The following TMEM178B variants were observed in gnomAD, a reference collection of about 807,000 sequenced individuals.
TMEM178B encodes transmembrane protein 178B.
In TMEM178B, 5 loss-of-function variants were observed where a neutral mutation model predicts 31.0. The ratio of observed to expected loss-of-function variants is 0.16; its 90% CI spans 0.08 to 0.34. TMEM178B has a LOEUF of 0.34. Among genes scored for constraint, TMEM178B ranks in the 10% least tolerant of loss-of-function variants. The pLI is 1.00. For synonymous variants in TMEM178B, 164 were observed against 164.0 expected (o/e 1.00, Z 0.00); for missense variants, 275 against 400.3 (o/e 0.69, Z 2.67).
At chr7:141,481,261 GAA>G (rs1802469808), downstream of TMEM178B, among the ~76,000 whole-genome samples, 1 of 152,202 alleles carries the variant, frequency 6.6e-6, no homozygotes, top group Admixed American at 6.5e-5. Context: ...AGGAGACTGA[GAA>G]AACAGGTTTA....
intron 2 of TMEM178B, among the ~76,000 whole-genome samples, chr7:141,224,899 T>C (rs1797316244): frequency 6.6e-6 from 1 of 152,178 alleles, no homozygotes; most frequent in Non-Finnish European, 1.5e-5. Context: ...ACTTCTTGGA[T>C]ATAGGCACTG....
chr7:141,305,838 A>G (rs553136878), intron 2 of TMEM178B, among the ~76,000 whole-genome samples: 1 of 152,160 alleles, frequency 6.6e-6, no homozygotes, highest in South Asian at 2.1e-4. Context: ...CGAGGTTATC[A>G]TGGGTGGTCT....
In TMEM178B at chr7:141,079,314, C is replaced by T. The variant is rs192761068; in HGVS notation, c.382+4622C>T. Among the ~76,000 whole-genome samples, 412 of 152,094 alleles carry T rather than the reference C, an allele frequency of 2.7e-3. 3 individuals are homozygous for T. The highest frequency in any genetic ancestry group is 9.6e-3 in the African/African-American group (399 of 41,494). ...AAAACAAACAAACAAAAATTATTTCCGTAGTTGTATTGGCCACATTTCAAA... is the reference window on the plus strand; with the variant it reads ...AAAACAAACAAACAAAAATTATTTCTGTAGTTGTATTGGCCACATTTCAAA... On this transcript the variant is annotated intron_variant, in intron 1 of 3. Transcript: ENST00000565468.
At chr7:141,414,080 T>TATGGCTGTGTAATAGC (rs1586944675) in intron 2 of TMEM178B, among the ~76,000 whole-genome samples, 1 of 52,650 alleles carries the variant, frequency 1.9e-5, no homozygotes, top group South Asian at 5.8e-4. Flanking sequence ...ACATCATTTT[T>TATGGCTGTGTAATAGC]TTTTTTTTTT....
chr7:141,508,039 C>T, the TMEM178B span, among the ~76,000 whole-genome samples: 8,274 of 152,264 alleles, frequency 0.054, 706 homozygotes, highest in African/African-American at 0.18. Flanking sequence ...AATGGGTTTT[C>T]CTTTTTTATC....
intron 2 of TMEM178B, among the ~76,000 whole-genome samples, chr7:141,271,902 TGTAA>T (rs1410197850): frequency 6.6e-6 from 1 of 152,178 alleles, no homozygotes; most frequent in Admixed American, 6.5e-5. Flanking sequence ...TCACACAGCT[TGTAA>T]GTATCAGCAT....
intron 2 of TMEM178B, among the ~76,000 whole-genome samples, chr7:141,345,378 A>AT (rs1799600615): frequency 6.6e-6 from 1 of 152,178 alleles, no homozygotes; most frequent in Admixed American, 6.5e-5. Context: ...GGTAGGAAAG[A>AT]TTTTTCAGAG....
At position 141,470,676 on chromosome 7, in the gene TMEM178B, C is replaced by T; in HGVS notation, c.775C>T (p.Leu259=). The change falls in exon 4 of 4, where the codon CTG becomes TTG. Residue 259 remains leucine, a synonymous_variant. Coordinates refer to ENST00000565468, the MANE Select transcript of TMEM178B (RefSeq NM_001195278.2). The part of the protein sequence containing the change: ...GWSMFCAWGG[L]GLTLISGFFC... ...GTCCATGTTCTGTGCATGGGGGGGC[C>T]TGGGCCTCACACTCATCTCGGGATT... 1 of 1,535,794 alleles carries T rather than the reference C, an allele frequency of 6.5e-7. No individual in the cohort carries two copies. The highest frequency in any genetic ancestry group is 8.7e-7 in the Non-Finnish European group (1 of 1,146,836).
intron 2 of TMEM178B, among the ~76,000 whole-genome samples, chr7:141,291,942 T>A (rs1798553536): frequency 7.4e-6 from 1 of 134,268 alleles, no homozygotes; most frequent in Non-Finnish European, 1.6e-5. Context: ...TTTTTTTTTT[T>A]TCAAATATCA....
chr7:141,074,630 G>A lies in TMEM178B; in HGVS notation c.320G>A (p.Gly107Asp). The change falls in exon 1 of 4, where the codon GGC becomes GAC. Residue 107 changes from glycine (G) to aspartate (D), a missense_variant. Physicochemically the swap from Gly to Asp is moderately conservative, Grantham distance 94. Coordinates refer to ENST00000565468, the MANE Select transcript of TMEM178B (RefSeq NM_001195278.2). The surrounding 1 kb of genome is among the most constrained non-coding windows in gnomAD (Gnocchi z 5.1). ...CSRQYNSTNMGLWRKCHRQGF... is the reference protein window; with the variant it reads ...CSRQYNSTNMDLWRKCHRQGF... ...CGGCAGTACAACTCCACCAACATGG[G>A]CCTCTGGAGGAAGTGCCACCGGCAG... 1.3e-6 allele frequency: 2 copies of A among 1,528,814 alleles called. No homozygotes were observed. Among genetic ancestry groups the A allele is most frequent in the Non-Finnish European group, 1.8e-6 (2 of 1,141,138 alleles). The allele number at this position is 1,528,814 out of a possible 1,614,324, so 94.7% of individuals were successfully genotyped here.
At chr7:141,181,275 A>G (rs1039385806) in intron 1 of TMEM178B, among the ~76,000 whole-genome samples, 3 of 152,244 alleles carry the variant, frequency 2.0e-5, no homozygotes, top group Non-Finnish European at 4.4e-5. Flanking sequence ...CTCAACACAC[A>G]ATAAGTTCTT....
chr7:141,394,723 G>A (rs1800607079), intron 2 of TMEM178B, among the ~76,000 whole-genome samples: 2 of 152,104 alleles, frequency 1.3e-5, no homozygotes, highest in South Asian at 2.1e-4. Context: ...AGCAAGTTCT[G>A]TCATTTTCCA....
At chr7:141,265,325 G>A (rs1586858817) in intron 2 of TMEM178B, among the ~76,000 whole-genome samples, 1 of 152,144 alleles carries the variant, frequency 6.6e-6, no homozygotes, top group African/African-American at 2.4e-5. Context: ...TGGGGTGGGA[G>A]AGGGCTGAGT....
In TMEM178B at chr7:141,245,098, G is replaced by C. The variant is rs376600712; in HGVS notation, c.496+32394G>C. On this transcript the variant is annotated intron_variant, in intron 2 of 3. Transcript: ENST00000565468. Reference sequence around the variant, plus strand: ...GAATTGCTTGAACCTGGGAGGCGGAGGTTGCAGTGAGCCGAGATCGCACCA... The same window carrying C: ...GAATTGCTTGAACCTGGGAGGCGGACGTTGCAGTGAGCCGAGATCGCACCA... 1.5e-4 allele frequency among the ~76,000 whole-genome samples: 21 copies of C among 144,420 alleles called. No individual in the cohort carries two copies. In the East Asian group the frequency reaches 3.9e-3, roughly 27 times the overall value. The allele number at this position is 144,420 out of a possible 152,430, so 94.7% of individuals were successfully genotyped here.
At chr7:141,281,919 A>G (rs975694749) in intron 2 of TMEM178B, among the ~76,000 whole-genome samples, 14 of 151,710 alleles carry the variant, frequency 9.2e-5, no homozygotes, top group Admixed American at 9.2e-4. Context: ...TCTGGAGGTG[A>G]AAAAAAAATT....
intron 2 of TMEM178B, among the ~76,000 whole-genome samples, chr7:141,320,656 T>C (rs961203560): frequency 6.6e-6 from 1 of 152,220 alleles, no homozygotes; most frequent in Non-Finnish European, 1.5e-5. Context: ...TGTTTATATA[T>C]TCATTCACTC....
intron 2 of TMEM178B, among the ~76,000 whole-genome samples, chr7:141,336,993 CCATCATCAT>C (rs1563155248): frequency 5.8e-5 from 5 of 86,734 alleles, no homozygotes; most frequent in Admixed American, 1.1e-4. Flanking sequence ...CCCATCACTA[CCATCATCAT>C]CACCACCACC....
intron 1 of TMEM178B, among the ~76,000 whole-genome samples, chr7:141,090,594 T>G (rs1034642993): frequency 2.0e-5 from 3 of 152,222 alleles, no homozygotes; most frequent in East Asian, 3.8e-4. Flanking sequence ...TGGTTTATTC[T>G]TCAGTTCACT....
At chr7:141,243,402 C>G (rs1797659841) in intron 2 of TMEM178B, among the ~76,000 whole-genome samples, 1 of 152,034 alleles carries the variant, frequency 6.6e-6, no homozygotes, top group Admixed American at 6.6e-5. Flanking sequence ...CAGCTCTGCT[C>G]TATGGGGTTA....
Sources: allele counts gnomAD v4.1 joint callset (sites outside exome capture counted in the v4.1 genomes callset), GRCh38; gene constraint gnomAD v4.1.1; non-coding constraint Gnocchi (gnomAD v3.1); transcripts MANE v1.5; gene names NCBI Gene and HGNC (gene_info 2026-07-23, HGNC 2026-07-21).